The following RAD54B variants were observed in gnomAD, a reference collection of about 807,000 sequenced individuals.
RAD54B encodes the protein DNA repair and recombination protein RAD54B.
A neutral mutation model predicts 95.8 loss-of-function variants in RAD54B; 78 were observed. The observed-to-expected ratio is 0.81, with a 90% CI of 0.68 to 0.98. The LOEUF (loss-of-function observed/expected upper bound fraction) is 0.98, where lower values mean the gene tolerates loss of function less well. Ranked by LOEUF, RAD54B falls within the 50% of genes least tolerant of loss-of-function variation. The pLI, the probability that RAD54B is intolerant of heterozygous loss-of-function variation, is 0.00. For missense variants in RAD54B, 957 were observed against 1,056.6 expected, an observed-to-expected ratio of 0.91 and a Z score of 1.31; for synonymous variants, 328 against 354.9, an observed-to-expected ratio of 0.92 and a Z score of 0.85.
chr8:94,420,257 T>A (rs1811771541), intron 3 of RAD54B, among the ~76,000 whole-genome samples: 1 of 131,220 alleles, frequency 7.6e-6, no homozygotes. Flanking sequence ...CTTGATTTTT[T>A]TTTTTTTTTT....
intron 1 of RAD54B, among the ~76,000 whole-genome samples, chr8:94,468,887 G>A (rs550764134): frequency 6.6e-6 from 1 of 152,148 alleles, no homozygotes; most frequent in East Asian, 1.9e-4. Flanking sequence ...TACTCAGGAG[G>A]CTGAGGTGAG....
intron 3 of RAD54B, among the ~76,000 whole-genome samples, chr8:94,416,300 G>C (rs1185639699): frequency 3.3e-5 from 5 of 151,800 alleles, no homozygotes; most frequent in Non-Finnish European, 7.4e-5. Flanking sequence ...CTCACTCATA[G>C]ATGGGAATTG....
intron 3 of RAD54B, among the ~76,000 whole-genome samples, chr8:94,441,043 T>C (rs140540441): frequency 2.0e-5 from 3 of 152,352 alleles, no homozygotes; most frequent in Non-Finnish European, 4.4e-5. Context: ...AGGCATTGTA[T>C]GGAAGAACAC....
intron 3 of RAD54B, among the ~76,000 whole-genome samples, chr8:94,423,375 C>G (rs1811869333): frequency 6.6e-6 from 1 of 152,148 alleles, no homozygotes. Flanking sequence ...GAGCCAGACT[C>G]CATCTCAAAA....
Position 94,452,405 on chromosome 8 carries a change from T to C in RAD54B, c.304+5863A>G, listed in dbSNP as rs552431518. Among the ~76,000 whole-genome samples the C allele has an allele frequency of 3.3e-5, 5 of 152,386 alleles. No individual in the cohort carries two copies. The East Asian group carries it at 9.6e-4, about 29-fold the overall frequency. ...TTCAGGTGATGGAGCACCATGTCAG[T>C]ATCTTATTCTCAACTAGTACTGAAA... On this transcript the variant is annotated intron_variant, in intron 3 of 14. Transcript: ENST00000336148.
chr8:94,449,048 G>A (rs1216495924), intron 3 of RAD54B, among the ~76,000 whole-genome samples: 3 of 150,070 alleles, frequency 2.0e-5, no homozygotes, highest in East Asian at 2.0e-4. Flanking sequence ...ACACATGCAT[G>A]CACACACACA....
chr8:94,445,108 G>T (rs1812489447), intron 3 of RAD54B, among the ~76,000 whole-genome samples: 1 of 152,094 alleles, frequency 6.6e-6, no homozygotes, highest in African/African-American at 2.4e-5. Flanking sequence ...GGAAGTCCAA[G>T]ATAAAAACAC....
intron 10 of RAD54B, among the ~76,000 whole-genome samples, chr8:94,388,381 A>G (rs112763469): frequency 0.016 from 2,394 of 152,308 alleles, 69 homozygotes; most frequent in African/African-American, 0.054. Flanking sequence ...GTGTAAAAAT[A>G]CAGTATATAA....
intron 11 of RAD54B, among the ~76,000 whole-genome samples, chr8:94,383,889 G>A (rs1032653164): frequency 6.6e-6 from 1 of 152,142 alleles, no homozygotes; most frequent in African/African-American, 2.4e-5. Context: ...AGTTGGTAAG[G>A]AGATAGAGCA....
chr8:94,410,513 T>C (rs780595669), intron 4 of RAD54B, among the ~76,000 whole-genome samples: 12 of 152,194 alleles, frequency 7.9e-5, no homozygotes, highest in Non-Finnish European at 1.5e-4. Context: ...TTTATAGTTA[T>C]AGGTCACACT....
intron 3 of RAD54B, chr8:94,432,722 T>C: frequency 2.2e-6 from 3 of 1,383,734 alleles, no homozygotes; most frequent in Non-Finnish European, 2.8e-6. Flanking sequence ...ATTTATAGCA[T>C]AATTTTAATT....
At chr8:94,471,974 C>A (rs1378321461) in intron 1 of RAD54B, among the ~76,000 whole-genome samples, 3 of 151,936 alleles carry the variant, frequency 2.0e-5, no homozygotes, top group Non-Finnish European at 4.4e-5. Context: ...GCCAATTAAA[C>A]CATGATACAC....
At chr8:94,427,843 A>G (rs1811982571) in intron 3 of RAD54B, 1 of 961,008 alleles carries the variant, frequency 1.0e-6, no homozygotes, top group Non-Finnish European at 1.2e-6. Flanking sequence ...TTAAAAGTTG[A>G]CATTACTCCA....
rs185295581 is a variant in RAD54B at position 94,405,283 on chromosome 8, C to A, written c.782-1044G>T. On this transcript the variant is annotated intron_variant, in intron 5 of 14. Coordinates refer to ENST00000336148, the MANE Select transcript of RAD54B (RefSeq NM_012415.3). The stretch of plus-strand genomic sequence containing the variant: ...ATAAATCTGAAATTAGATAATAAAC[C>A]CACCAAAATTATTTTGGGGATATAT... Among the ~76,000 whole-genome samples, 688 of 151,764 alleles carry A rather than the reference C, an allele frequency of 4.5e-3. 5 individuals carry two copies. Among genetic ancestry groups the A allele is most frequent in the Non-Finnish European group, 6.3e-3 (427 of 67,934 alleles).
chr8:94,433,647 A>G (rs191187671), intron 3 of RAD54B, among the ~76,000 whole-genome samples: 11 of 151,982 alleles, frequency 7.2e-5, no homozygotes, highest in Non-Finnish European at 8.8e-5. Flanking sequence ...TTTTATAAAC[A>G]TAATTTTATG....
intron 2 of RAD54B, among the ~76,000 whole-genome samples, chr8:94,467,174 C>T (rs1331337683): frequency 1.3e-5 from 2 of 152,118 alleles, no homozygotes; most frequent in African/African-American, 4.8e-5. Context: ...GTGATCCTCC[C>T]GCCTCTGCCT....
Position 94,460,996 on chromosome 8 carries a change from A to G in RAD54B, c.136-2560T>C, listed in dbSNP as rs532122972. Among the ~76,000 whole-genome samples, 12 of 152,090 alleles carry G rather than the reference A, an allele frequency of 7.9e-5. No individual in the cohort carries two copies. The East Asian group carries it at 2.3e-3, about 29-fold the overall frequency. ...GGTCCTTAACATTAATCACGTCAGC[A>G]AAGTCTCTTTTGCCATGTAAAGTAA... On this transcript the variant is annotated intron_variant, in intron 2 of 14. Transcript: ENST00000336148.
intron 3 of RAD54B, chr8:94,432,484 C>A (rs1383659190): frequency 1.5e-5 from 24 of 1,550,534 alleles, no homozygotes; most frequent in Non-Finnish European, 1.9e-5. Flanking sequence ...TGTACTAATT[C>A]ATGTTCTTCT....
intron 4 of RAD54B, among the ~76,000 whole-genome samples, chr8:94,409,833 G>A (rs943502478): frequency 6.6e-6 from 1 of 152,114 alleles, no homozygotes; most frequent in African/African-American, 2.4e-5. Context: ...CAAAGTAATT[G>A]TGATAATTTT....
Sources: gnomAD v4.1 joint callset for allele counts (sites outside exome capture counted in the v4.1 genomes callset) on GRCh38, gnomAD v4.1.1 for gene constraint, MANE v1.5 for transcripts, NCBI Gene and HGNC (gene_info 2026-07-23, HGNC 2026-07-21) for gene names.